HS3ST5: variants seen among roughly 807,000 people sequenced by gnomAD.
HS3ST5 encodes heparan sulfate glucosamine 3-O-sulfotransferase 5.
In HS3ST5, 10 loss-of-function variants were observed where a neutral mutation model predicts 25.4. The observed-to-expected ratio is 0.39, with a 90% CI of 0.24 to 0.67. The LOEUF (loss-of-function observed/expected upper bound fraction) is 0.67. Ranked by LOEUF, HS3ST5 falls within the 30% of genes least tolerant of loss-of-function variation. The pLI is 0.44. For missense variants in HS3ST5, 324 were observed against 420.7 expected (o/e 0.77, Z 2.01); for synonymous variants, 170 against 162.4 (o/e 1.05, Z -0.36).
chr6:114,329,164 C>T (rs138069409), intron 1 of HS3ST5, among the ~76,000 whole-genome samples: 18 of 152,124 alleles, frequency 1.2e-4, no homozygotes, highest in African/African-American at 3.4e-4. Flanking sequence ...TAATTGCTGG[C>T]AAATTTGATT....
chr6:114,089,734 C>G (rs1775025946), intron 3 of HS3ST5, among the ~76,000 whole-genome samples: 1 of 152,132 alleles, frequency 6.6e-6, no homozygotes, highest in Admixed American at 6.5e-5. Context: ...TGGATAAGAG[C>G]ACAGATTCAT....
chr6:114,304,065 C>G (rs890433161), intron 1 of HS3ST5, among the ~76,000 whole-genome samples: 6 of 152,138 alleles, frequency 3.9e-5, no homozygotes, highest in African/African-American at 1.4e-4. Flanking sequence ...GTAACTGATA[C>G]AAATGTCTCT....
chr6:114,086,441 A>G (rs993608784), intron 3 of HS3ST5, among the ~76,000 whole-genome samples: 1 of 152,190 alleles, frequency 6.6e-6, no homozygotes, highest in Non-Finnish European at 1.5e-5. Context: ...CCGGGACCTC[A>G]TTCCTACAAC....
chr6:114,338,439 T>G (rs1562280387), intron 1 of HS3ST5, among the ~76,000 whole-genome samples: 1 of 151,512 alleles, frequency 6.6e-6, no homozygotes, highest in Non-Finnish European at 1.5e-5. Flanking sequence ...AACCATTTCT[T>G]AATATGGACA....
At chr6:114,127,449 C>T (rs951192548) in intron 3 of HS3ST5, among the ~76,000 whole-genome samples, 23 of 152,004 alleles carry the variant, frequency 1.5e-4, no homozygotes, top group African/African-American at 5.3e-4. Context: ...AATTTCTTAC[C>T]ACTGAGAAAC....
At chr6:114,275,922 C>T (rs1222326186) in intron 1 of HS3ST5, among the ~76,000 whole-genome samples, 1 of 151,894 alleles carries the variant, frequency 6.6e-6, no homozygotes, top group Non-Finnish European at 1.5e-5. Flanking sequence ...AAAAAGTCCT[C>T]GTAGTTTGGG....
intron 1 of HS3ST5, among the ~76,000 whole-genome samples, chr6:114,303,838 T>TGCCCG (rs1775183738): frequency 6.6e-6 from 1 of 152,172 alleles, no homozygotes; most frequent in Non-Finnish European, 1.5e-5. Context: ...ATTGAGCCTG[T>TGCCCG]GCCCATAAAT....
Position 114,180,042 on chromosome 6 carries a change from G to T in HS3ST5, c.-144-11580C>A, listed in dbSNP as rs1207627652. On this transcript the variant is annotated intron_variant, in intron 2 of 4. Coordinates refer to ENST00000312719, the MANE Select transcript of HS3ST5 (RefSeq NM_153612.4). ...GCTTTTTCTAGTTGTGCTGGCAGCC[G>T]ATCGGATGGTGCCCACCCACATTGA... Among the ~76,000 whole-genome samples the T allele has an allele frequency of 2.0e-5, 3 of 152,140 alleles. No homozygotes were observed. The East Asian group carries it at 5.8e-4, about 29-fold the overall frequency.
intron 1 of HS3ST5, among the ~76,000 whole-genome samples, chr6:114,242,528 T>C (rs1393465254): frequency 2.0e-5 from 3 of 152,208 alleles, no homozygotes; most frequent in African/African-American, 7.2e-5. Context: ...TAGATTTTAT[T>C]GATGTCTTCA....
In HS3ST5 at chr6:114,055,697, A is replaced by G. The variant is rs749045926; in HGVS notation, c.*1560T>C. 21 of 152,202 alleles carry G rather than the reference A, an allele frequency of 1.4e-4. 1 individual carries two copies. The highest frequency in any genetic ancestry group is 3.9e-4 in the Admixed American group (6 of 15,276). 9.4% of individuals were successfully genotyped at this position (152,202 alleles called of 1,614,324 possible). On this transcript the variant is annotated 3_prime_UTR_variant, in exon 5 of 5. Transcript: ENST00000312719. ...CAACACTTATTACAATCAAAGGGGA[A>G]TCCATTGTAATTTTCTGATTTCCCT...
At chr6:114,150,782 C>T (rs1369268239) in intron 3 of HS3ST5, among the ~76,000 whole-genome samples, 2 of 152,174 alleles carry the variant, frequency 1.3e-5, no homozygotes, top group African/African-American at 4.8e-5. Flanking sequence ...ATCATTTGTA[C>T]TCATATTTAT....
intron 2 of HS3ST5, among the ~76,000 whole-genome samples, chr6:114,190,129 C>T (rs1780426386): frequency 6.6e-6 from 1 of 152,140 alleles, no homozygotes. Context: ...CTAATTATTC[C>T]AAGTTCATTG....
intron 3 of HS3ST5, among the ~76,000 whole-genome samples, chr6:114,103,592 A>AC (rs1054244857): frequency 3.4e-5 from 5 of 148,300 alleles, no homozygotes; most frequent in African/African-American, 1.2e-4. Context: ...TTTTAAATTA[A>AC]TTTTTTTTTT....
chr6:114,219,042 A>G (rs2114478445), intron 2 of HS3ST5, among the ~76,000 whole-genome samples: 1 of 152,334 alleles, frequency 6.6e-6, no homozygotes, highest in East Asian at 1.9e-4. Flanking sequence ...ATGTTTTAAA[A>G]ACAGTTCTAC....
intron 1 of HS3ST5, among the ~76,000 whole-genome samples, chr6:114,338,500 A>AATGCCAATTAATAGTAAGACACC (rs1321642150): frequency 6.6e-6 from 1 of 152,052 alleles, no homozygotes; most frequent in East Asian, 1.9e-4. Flanking sequence ...CTACTGGACC[A>AATGCCAATTAATAGTAAGACACC]ATGCCAATTA....
At chr6:114,287,171 G>T (rs1774375477) in intron 1 of HS3ST5, among the ~76,000 whole-genome samples, 1 of 151,834 alleles carries the variant, frequency 6.6e-6, no homozygotes, top group African/African-American at 2.4e-5. Context: ...ATTATCCAAA[G>T]ATAAGTACTA....
chr6:114,220,488 C>T (rs1227070416), intron 2 of HS3ST5, among the ~76,000 whole-genome samples: 13 of 152,036 alleles, frequency 8.6e-5, no homozygotes, highest in Admixed American at 4.6e-4. Flanking sequence ...CCTAAGGACT[C>T]GGAGGAACCC....
chr6:114,194,031 A>T (rs1780626296), intron 2 of HS3ST5, among the ~76,000 whole-genome samples: 2 of 152,218 alleles, frequency 1.3e-5, no homozygotes, highest in Admixed American at 1.3e-4. Flanking sequence ...TACCTTATGT[A>T]CATACTTTAG....
At chr6:114,247,227 T>C (rs1261299234) in intron 1 of HS3ST5, among the ~76,000 whole-genome samples, 1 of 152,200 alleles carries the variant, frequency 6.6e-6, no homozygotes, top group African/African-American at 2.4e-5. Context: ...TCAGCTTTCA[T>C]GAATTTAACA....
Sources: gnomAD v4.1 joint callset for allele counts (sites outside exome capture counted in the v4.1 genomes callset) on GRCh38, gnomAD v4.1.1 for gene constraint, MANE v1.5 for transcripts, NCBI Gene and HGNC (gene_info 2026-07-23, HGNC 2026-07-21) for gene names.